The following FCHSD2 variants were observed in gnomAD, a reference collection of about 807,000 sequenced individuals.
FCHSD2 encodes F-BAR and double SH3 domains protein 2.
FCHSD2 carries 38 observed loss-of-function variants against 108.1 expected under a neutral mutation model. The observed-to-expected ratio is 0.35, with a 90% CI of 0.27 to 0.46. FCHSD2 has a LOEUF of 0.46. Ranked by LOEUF, FCHSD2 falls within the 20% of genes least tolerant of loss-of-function variation. The pLI, the probability that FCHSD2 is intolerant of heterozygous loss-of-function variation, is 1.00. For synonymous variants in FCHSD2, 279 were observed against 314.7 expected (o/e 0.89, Z 1.20); for missense variants, 751 against 897.8 (o/e 0.84, Z 2.09).
chr11:73,001,259 CT>C, intron 4 of FCHSD2, 125 bp from the exon 5 acceptor site: 1 of 773,254 alleles, frequency 1.3e-6, no homozygotes, highest in Non-Finnish European at 2.1e-6. Flanking sequence ...TTTATAATGG[CT>C]TATAGGCAAT....
intron 2 of FCHSD2, among the ~76,000 whole-genome samples, chr11:73,116,525 T>C (rs1860604818): frequency 6.6e-6 from 1 of 152,132 alleles, no homozygotes; most frequent in Non-Finnish European, 1.5e-5. Flanking sequence ...AAAGTCATAA[T>C]TCCTTCTTTC....
intron 13 of FCHSD2, among the ~76,000 whole-genome samples, chr11:72,858,413 T>C (rs1861482284): frequency 6.6e-6 from 1 of 152,228 alleles, no homozygotes; most frequent in Admixed American, 6.5e-5. Flanking sequence ...GTGGTACATA[T>C]ACACCATGGA....
intron 12 of FCHSD2, among the ~76,000 whole-genome samples, chr11:72,875,909 T>C (rs1854959243): frequency 6.6e-6 from 1 of 152,188 alleles, no homozygotes; most frequent in Admixed American, 6.5e-5. Context: ...TTAACCTATA[T>C]GCTGATGAAA....
intron 3 of FCHSD2, among the ~76,000 whole-genome samples, chr11:73,055,199 C>A (rs886650372): frequency 6.6e-6 from 1 of 152,078 alleles, no homozygotes; most frequent in African/African-American, 2.4e-5. Flanking sequence ...TCAATTACCT[C>A]CCACAGGGTG....
intron 2 of FCHSD2, among the ~76,000 whole-genome samples, chr11:73,108,427 A>C (rs1860398254): frequency 6.6e-6 from 1 of 152,056 alleles, no homozygotes; most frequent in Admixed American, 6.6e-5. Flanking sequence ...CTATTTGTTC[A>C]CTTTTGCTAG....
chr11:73,061,921 G>C (rs1859173484), intron 3 of FCHSD2, among the ~76,000 whole-genome samples: 1 of 152,220 alleles, frequency 6.6e-6, no homozygotes, highest in South Asian at 2.1e-4. Flanking sequence ...TGGCTCTGAA[G>C]AGAGTAGTGG....
chr11:72,868,172 A>C (rs1854771739), intron 12 of FCHSD2, 146 bp from the exon 13 acceptor site: 2 of 724,462 alleles, frequency 2.8e-6, no homozygotes, highest in South Asian at 3.9e-5. Flanking sequence ...GCAGCCATAA[A>C]AAGGACAGAG....
intron 8 of FCHSD2, among the ~76,000 whole-genome samples, chr11:72,942,697 A>T (rs902910415): frequency 6.6e-6 from 1 of 152,256 alleles, no homozygotes; most frequent in Non-Finnish European, 1.5e-5. Context: ...ATTGACAAAC[A>T]TGCTATAGAA....
At chr11:73,102,193 G>C (rs1314121124) in intron 2 of FCHSD2, among the ~76,000 whole-genome samples, 1 of 152,152 alleles carries the variant, frequency 6.6e-6, no homozygotes. Flanking sequence ...ACACCCACTA[G>C]AATGACTAAA....
intron 8 of FCHSD2, among the ~76,000 whole-genome samples, chr11:72,925,257 G>A (rs183812781): frequency 2.8e-3 from 427 of 152,220 alleles, no homozygotes; most frequent in Non-Finnish European, 4.7e-3. Context: ...CCATAATCAG[G>A]ATCATTTCTG....
At chr11:73,077,325 T>C (rs902917415) in intron 3 of FCHSD2, among the ~76,000 whole-genome samples, 19 of 152,050 alleles carry the variant, frequency 1.2e-4, no homozygotes, top group Non-Finnish European at 4.4e-5. Flanking sequence ...TTAGCATCAT[T>C]AGATATTAGG....
In FCHSD2 at chr11:72,860,288, T is replaced by A. The variant is rs561577707; in HGVS notation, c.1308+7577A>T. Reference sequence around the variant, plus strand: ...AATACTATAACCAACCTGACTTAATTGACATTTATAGAACATAACCCCTAA... The same window carrying A: ...AATACTATAACCAACCTGACTTAATAGACATTTATAGAACATAACCCCTAA... On this transcript the variant is annotated intron_variant, in intron 13 of 19. Transcript: ENST00000409418. Among the ~76,000 whole-genome samples, 4 of 152,264 alleles carry A rather than the reference T, an allele frequency of 2.6e-5. No homozygotes were observed. In the South Asian group the frequency reaches 8.3e-4, roughly 32 times the overall value.
intron 3 of FCHSD2, among the ~76,000 whole-genome samples, chr11:73,061,080 C>T (rs1265677272): frequency 6.6e-6 from 1 of 152,196 alleles, no homozygotes; most frequent in Admixed American, 6.5e-5. Flanking sequence ...TCGCAGAAGG[C>T]AGATGATTTC....
At chr11:73,047,855 T>A (rs1858804126) in intron 3 of FCHSD2, among the ~76,000 whole-genome samples, 1 of 152,242 alleles carries the variant, frequency 6.6e-6, no homozygotes, top group South Asian at 2.1e-4. Flanking sequence ...GATGGTGAGC[T>A]AATGACTTTG....
chr11:73,026,619 C>T lies in FCHSD2; in HGVS notation c.166-10734G>A, dbSNP rs187726818. On this transcript the variant is annotated intron_variant, in intron 3 of 19. Transcript: ENST00000409418. ...TTCAAATAGACTTAATTGAGAACTA[C>T]ATATGATTAAAGATCAGAAGGACAA... is the stretch of plus-strand genomic sequence containing the variant. Among the ~76,000 whole-genome samples the T allele has an allele frequency of 3.2e-4, 48 of 152,222 alleles. 1 individual carries two copies. The East Asian group carries it at 8.3e-3, about 26-fold the overall frequency.
At chr11:72,911,691 T>TATA (rs1855767063) in intron 9 of FCHSD2, among the ~76,000 whole-genome samples, 1 of 152,124 alleles carries the variant, frequency 6.6e-6, no homozygotes, top group African/African-American at 2.4e-5. Context: ...TTATTATTAT[T>TATA]ATACTTTAAG....
intron 2 of FCHSD2, among the ~76,000 whole-genome samples, chr11:73,095,765 A>G (rs1860059321): frequency 6.6e-6 from 1 of 152,186 alleles, no homozygotes; most frequent in Admixed American, 6.5e-5. Context: ...TAGTTTGAAG[A>G]AGTAGAGGAG....
chr11:73,031,062 C>T (rs1317296688), intron 3 of FCHSD2, among the ~76,000 whole-genome samples: 3 of 151,920 alleles, frequency 2.0e-5, no homozygotes, highest in Admixed American at 6.6e-5. Flanking sequence ...TTTGTCACAA[C>T]ATGTATGAAT....
chr11:73,064,346 A>C (rs1203012615), intron 3 of FCHSD2, among the ~76,000 whole-genome samples: 1 of 152,220 alleles, frequency 6.6e-6, no homozygotes, highest in African/African-American at 2.4e-5. Context: ...AAAGATCTAA[A>C]ATTGATACCC....
Sources: allele counts gnomAD v4.1 joint callset (sites outside exome capture counted in the v4.1 genomes callset), GRCh38; gene constraint gnomAD v4.1.1; transcripts MANE v1.5; gene names NCBI Gene and HGNC (gene_info 2026-07-23, HGNC 2026-07-21).